The following SLX4IP variants were observed in gnomAD, a reference collection of about 807,000 sequenced individuals.
SLX4IP encodes the protein SLX4 interacting protein, also known as protein SLX4IP.
Under a neutral mutation model 32.9 loss-of-function variants are expected in SLX4IP, and 34 were observed. The ratio of observed to expected loss-of-function variants is 1.03; its 90% CI spans 0.79 to 1.38. The LOEUF (loss-of-function observed/expected upper bound fraction) is 1.38. Ranked by LOEUF, SLX4IP falls within the 40% of genes most tolerant of loss-of-function variation. The probability of loss-of-function intolerance (pLI) is 0.00; values close to 1 mark genes in which losing one functional copy is unlikely to be tolerated. For missense variants in SLX4IP, 444 were observed against 479.0 expected, an observed-to-expected ratio of 0.93 and a Z score of 0.68; for synonymous variants, 172 against 171.7, an observed-to-expected ratio of 1.00 and a Z score of -0.01.
At chr20:10,577,637 C>T (rs2066536776) in intron 4 of SLX4IP, among the ~76,000 whole-genome samples, 1 of 152,232 alleles carries the variant, frequency 6.6e-6, no homozygotes, top group Non-Finnish European at 1.5e-5. Flanking sequence ...AGGAGAATGG[C>T]TTGAGCCCAG....
At chr20:10,478,836 CT>C (rs1366629382) in intron 2 of SLX4IP, among the ~76,000 whole-genome samples, 1 of 152,202 alleles carries the variant, frequency 6.6e-6, no homozygotes, top group Non-Finnish European at 1.5e-5. Flanking sequence ...CTAAGCTCTT[CT>C]AGAGGTAGCT....
chr20:10,536,145 A>T (rs756715787), intron 2 of SLX4IP, among the ~76,000 whole-genome samples: 2 of 152,228 alleles, frequency 1.3e-5, no homozygotes, highest in Non-Finnish European at 2.9e-5. Flanking sequence ...ATAGTTCTCC[A>T]CTTAGAGATC....
chr20:10,503,779 T>G (rs1026298857), intron 2 of SLX4IP, among the ~76,000 whole-genome samples: 28 of 152,196 alleles, frequency 1.8e-4, no homozygotes, highest in Non-Finnish European at 3.5e-4. Flanking sequence ...CTTCTAGTTT[T>G]GGTGTTTGTT....
In SLX4IP at chr20:10,496,035, A is replaced by ATT. The variant is rs141892915; in HGVS notation, c.27+37813_27+37814dup. Among the ~76,000 whole-genome samples the ATT allele has an allele frequency of 7.5e-5, 11 of 146,660 alleles. No homozygotes were observed. The South Asian group carries it at 8.6e-4, about 12-fold the overall frequency. On this transcript the variant is annotated intron_variant, in intron 2 of 7. Transcript: ENST00000334534. ...GTTGTTTCTTGTTGTTGTTTGGTTG[A>ATT]TTTTTTTTTTCTGCACCTATTCATT... is the stretch of plus-strand genomic sequence containing the variant.
chr20:10,552,157 G>C (rs937260758), intron 2 of SLX4IP, among the ~76,000 whole-genome samples: 1 of 152,210 alleles, frequency 6.6e-6, no homozygotes, highest in Non-Finnish European at 1.5e-5. Flanking sequence ...CTGGCTGGGG[G>C]ACTCGCAGCC....
intron 2 of SLX4IP, among the ~76,000 whole-genome samples, chr20:10,502,874 T>C (rs2065731198): frequency 6.6e-6 from 1 of 152,216 alleles, no homozygotes; most frequent in South Asian, 2.1e-4. Context: ...CCTAAAATAA[T>C]GTCTGGCACA....
chr20:10,605,366 G>A (rs1410273518), intron 6 of SLX4IP, among the ~76,000 whole-genome samples: 1 of 152,158 alleles, frequency 6.6e-6, no homozygotes, highest in Non-Finnish European at 1.5e-5. Flanking sequence ...AAAGTGTGTT[G>A]GCCCTCAAGG....
At chr20:10,474,929 G>A (rs1207294397) in intron 2 of SLX4IP, among the ~76,000 whole-genome samples, 2 of 152,196 alleles carry the variant, frequency 1.3e-5, no homozygotes, top group Non-Finnish European at 2.9e-5. Flanking sequence ...GGCCATGGGT[G>A]GTGAGAGAGT....
At chr20:10,613,566 G>C (rs2066992662) in intron 6 of SLX4IP, 1 of 1,612,248 alleles carries the variant, frequency 6.2e-7, no homozygotes, top group Admixed American at 1.7e-5. Flanking sequence ...CTGAATGGCT[G>C]CCTTCAGGCT....
intron 2 of SLX4IP, among the ~76,000 whole-genome samples, chr20:10,469,259 CT>C (rs973103697): frequency 3.3e-5 from 5 of 151,960 alleles, no homozygotes; most frequent in Middle Eastern, 6.8e-3. Context: ...TCTTACTGGT[CT>C]TTTTTTCAGT....
At chr20:10,544,839 A>G (rs536843300) in intron 2 of SLX4IP, among the ~76,000 whole-genome samples, 2 of 152,300 alleles carry the variant, frequency 1.3e-5, no homozygotes, top group Admixed American at 1.3e-4. Context: ...GTGAAACTTC[A>G]TCAGGTATTT....
chr20:10,621,276 T>C lies in SLX4IP; in HGVS notation c.406-38T>C, dbSNP rs1490561694. 4.5e-6 allele frequency: 7 copies of C among 1,572,896 alleles called. No homozygotes were observed. The South Asian group carries it at 5.6e-5, about 12-fold the overall frequency. On this transcript the variant is annotated intron_variant, in intron 6 of 7. Transcript: ENST00000334534. ...ACTGTTTTCTCTCATGTTCAGCTAA[T>C]AGATTTCTGGTTGAACCTTTGTTAT... is the stretch of plus-strand genomic sequence containing the variant.
intron 2 of SLX4IP, among the ~76,000 whole-genome samples, chr20:10,540,340 G>A (rs2066093774): frequency 6.6e-6 from 1 of 152,044 alleles, no homozygotes; most frequent in South Asian, 2.1e-4. Flanking sequence ...AATGGGTAGT[G>A]GTGTTTTGAA....
chr20:10,548,741 C>G (rs528874943), intron 2 of SLX4IP, among the ~76,000 whole-genome samples: 4 of 152,280 alleles, frequency 2.6e-5, no homozygotes, highest in Admixed American at 2.6e-4. Context: ...GTTTCCAGAA[C>G]GCCAAGGGGT....
intron 2 of SLX4IP, among the ~76,000 whole-genome samples, chr20:10,524,143 C>A (rs368555522): frequency 6.6e-6 from 1 of 152,172 alleles, no homozygotes; most frequent in Non-Finnish European, 1.5e-5. Context: ...AGCCCCAGTG[C>A]TTTGTGATGG....
chr20:10,619,477 C>T (rs905718695), intron 6 of SLX4IP, among the ~76,000 whole-genome samples: 7 of 152,098 alleles, frequency 4.6e-5, no homozygotes, highest in African/African-American at 1.2e-4. Context: ...GAATTTAATA[C>T]GAGATTTGAA....
At chr20:10,581,716 G>A (rs1181502255) in intron 4 of SLX4IP, among the ~76,000 whole-genome samples, 1 of 152,066 alleles carries the variant, frequency 6.6e-6, no homozygotes, top group Non-Finnish European at 1.5e-5. Flanking sequence ...AGGAGTTCAA[G>A]ACCAGCCTGG....
intron 1 of SLX4IP, among the ~76,000 whole-genome samples, chr20:10,438,470 GTGTTTTTTTTTTTT>G (rs921985698): frequency 1.4e-5 from 2 of 138,508 alleles, no homozygotes; most frequent in Admixed American, 1.4e-4. Flanking sequence ...CTAGGTGTGT[GTGTTTTTTTTTTTT>G]TTTTTTTTTT....
chr20:10,500,472 C>T (rs1318811673), intron 2 of SLX4IP, among the ~76,000 whole-genome samples: 1 of 152,068 alleles, frequency 6.6e-6, no homozygotes, highest in Non-Finnish European at 1.5e-5. Flanking sequence ...AAGATGGGGC[C>T]AGGCATGGTG....
Sources: allele counts gnomAD v4.1 joint callset (sites outside exome capture counted in the v4.1 genomes callset), GRCh38; gene constraint gnomAD v4.1.1; transcripts MANE v1.5; gene names NCBI Gene and HGNC (gene_info 2026-07-23, HGNC 2026-07-21).